Variants in PTPRK observed in about 807,000 individuals in gnomAD.
The protein encoded by PTPRK is receptor-type tyrosine-protein phosphatase kappa.
A neutral mutation model predicts 178.0 loss-of-function variants in PTPRK; 75 were observed. That is an observed-to-expected ratio of 0.42 (90% confidence interval 0.35 to 0.51). PTPRK has a LOEUF of 0.51. PTPRK is among the 20% of genes least tolerant of loss of function. The pLI, the probability that PTPRK is intolerant of heterozygous loss-of-function variation, is 0.02. For missense variants in PTPRK, 1,441 were observed against 1,797.8 expected (o/e 0.80, Z 3.59); for synonymous variants, 637 against 620.6 (o/e 1.03, Z -0.39).
At chr6:128,036,516 G>A (rs544840714) in intron 13 of PTPRK, among the ~76,000 whole-genome samples, 1 of 152,294 alleles carries the variant, frequency 6.6e-6, no homozygotes, top group South Asian at 2.1e-4. Flanking sequence ...CAAGTACTAC[G>A]ATGTGAGTGT....
At chr6:128,275,216 T>C (rs1379428674) in intron 3 of PTPRK, among the ~76,000 whole-genome samples, 1 of 151,976 alleles carries the variant, frequency 6.6e-6, no homozygotes, top group Admixed American at 6.6e-5. Flanking sequence ...TTACAGGAAA[T>C]GAGAGAGAAT....
intron 1 of PTPRK, among the ~76,000 whole-genome samples, chr6:128,447,548 C>T (rs181075792): frequency 8.6e-5 from 13 of 152,040 alleles, no homozygotes; most frequent in African/African-American, 2.9e-4. Flanking sequence ...TGAGATCTGA[C>T]CCATGCTTAA....
At chr6:128,014,478 T>C (rs886458616) in intron 13 of PTPRK, among the ~76,000 whole-genome samples, 3 of 151,492 alleles carry the variant, frequency 2.0e-5, no homozygotes, top group Non-Finnish European at 4.4e-5. Context: ...ACATTACCCA[T>C]CTTGTGTAGC....
At chr6:128,342,819 GCA>G (rs1475564216) in intron 2 of PTPRK, among the ~76,000 whole-genome samples, 2 of 151,878 alleles carry the variant, frequency 1.3e-5, no homozygotes, top group African/African-American at 2.4e-5. Context: ...ATGCATAGTA[GCA>G]CACACCTGTA....
intron 5 of PTPRK, among the ~76,000 whole-genome samples, chr6:128,219,457 A>C (rs1810000804): frequency 6.6e-6 from 1 of 152,178 alleles, no homozygotes; most frequent in Admixed American, 6.5e-5. Context: ...TCCTATGAGA[A>C]TCTAATGCCA....
At chr6:128,071,675 T>G (rs1055248865) in intron 11 of PTPRK, among the ~76,000 whole-genome samples, 9 of 152,054 alleles carry the variant, frequency 5.9e-5, no homozygotes, top group African/African-American at 2.2e-4. Context: ...TTCTACCTTT[T>G]TTCATGCCCA....
chr6:127,990,696 G>A, intron 21 of PTPRK, 73 bp downstream of exon 21: 1 of 964,538 alleles, frequency 1.0e-6, no homozygotes, highest in Non-Finnish European at 1.6e-6. Flanking sequence ...CATCAAAACA[G>A]AACTTGGCAA....
chr6:128,044,637 A>T (rs1777743433), intron 13 of PTPRK, among the ~76,000 whole-genome samples: 1 of 81,926 alleles, frequency 1.2e-5, no homozygotes, highest in South Asian at 7.8e-4. Flanking sequence ...GGCAACTTAT[A>T]AGACAGGCTA....
chr6:128,052,351 C>T (rs993863760), intron 13 of PTPRK, among the ~76,000 whole-genome samples: 30 of 152,146 alleles, frequency 2.0e-4, no homozygotes, highest in African/African-American at 4.8e-4. Flanking sequence ...ATTCAAAATT[C>T]CCAATTGTCC....
chr6:128,139,073 T>G (rs1377307116), intron 7 of PTPRK, among the ~76,000 whole-genome samples: 1 of 151,976 alleles, frequency 6.6e-6, no homozygotes, highest in East Asian at 1.9e-4. Flanking sequence ...AAAAATAGCA[T>G]GAAGTCAGAG....
At chr6:128,085,729 T>C (rs1785671427) in intron 8 of PTPRK, among the ~76,000 whole-genome samples, 1 of 152,238 alleles carries the variant, frequency 6.6e-6, no homozygotes, top group Non-Finnish European at 1.5e-5. Flanking sequence ...ACAGTTTTTC[T>C]GTTTTGACAA....
At chr6:128,282,890 C>T (rs1488826933) in intron 3 of PTPRK, among the ~76,000 whole-genome samples, 2 of 151,968 alleles carry the variant, frequency 1.3e-5, no homozygotes, top group African/African-American at 4.8e-5. Context: ...TATAAGTGTA[C>T]AAAACGGAAT....
At chr6:128,233,946 A>G (rs1812763803) in intron 5 of PTPRK, among the ~76,000 whole-genome samples, 2 of 152,184 alleles carry the variant, frequency 1.3e-5, no homozygotes, top group Admixed American at 1.3e-4. Context: ...AGTCATTAGT[A>G]TTTTAGTTTC....
chr6:128,205,568 T>C (rs966058838), intron 6 of PTPRK, among the ~76,000 whole-genome samples: 2 of 151,508 alleles, frequency 1.3e-5, no homozygotes, highest in African/African-American at 4.9e-5. Context: ...GGTCAGGAGT[T>C]TGAGACCAAA....
At chr6:128,144,114 G>A (rs1015095207) in intron 7 of PTPRK, among the ~76,000 whole-genome samples, 1 of 152,076 alleles carries the variant, frequency 6.6e-6, no homozygotes, top group Non-Finnish European at 1.5e-5. Context: ...ACAGCTAAGT[G>A]AACCAAGGTC....
At chr6:128,110,463 T>C (rs553629107) in intron 7 of PTPRK, among the ~76,000 whole-genome samples, 3 of 152,238 alleles carry the variant, frequency 2.0e-5, no homozygotes, top group East Asian at 3.9e-4. Flanking sequence ...GGATATGCTC[T>C]TGATAGATGT....
intron 2 of PTPRK, among the ~76,000 whole-genome samples, chr6:128,378,210 C>G (rs996512271): frequency 2.0e-5 from 3 of 152,026 alleles, no homozygotes; most frequent in Admixed American, 2.0e-4. Flanking sequence ...ATAAGTTAGG[C>G]CTTGCTTCTG....
intron 13 of PTPRK, among the ~76,000 whole-genome samples, chr6:128,032,145 T>A (rs777616430): frequency 4.6e-5 from 7 of 152,216 alleles, no homozygotes; most frequent in Non-Finnish European, 7.3e-5. Context: ...CAGCTTCTTG[T>A]ACAACGCAGA....
chr6:128,239,572 C>T (rs986687902), intron 5 of PTPRK, among the ~76,000 whole-genome samples: 2 of 152,328 alleles, frequency 1.3e-5, no homozygotes, highest in Admixed American at 6.5e-5. Context: ...GATTAACCCT[C>T]AAACTCAAAA....
Sources: allele counts gnomAD v4.1 joint callset (sites outside exome capture counted in the v4.1 genomes callset), GRCh38; gene constraint gnomAD v4.1.1; transcripts MANE v1.5; gene names NCBI Gene and HGNC (gene_info 2026-07-23, HGNC 2026-07-21).